PNLIPRP3: variants seen among roughly 807,000 people sequenced by gnomAD.
The protein encoded by PNLIPRP3 is pancreatic lipase-related protein 3.
A neutral mutation model predicts 52.8 loss-of-function variants in PNLIPRP3; 58 were observed. The observed-to-expected ratio is 1.10, with a 90% CI of 0.89 to 1.37. PNLIPRP3 has a LOEUF of 1.37. Ranked by LOEUF, PNLIPRP3 falls within the 40% of genes most tolerant of loss-of-function variation. The probability of loss-of-function intolerance (pLI) is 0.00; values close to 1 mark genes in which losing one functional copy is unlikely to be tolerated. For missense variants in PNLIPRP3, 593 were observed against 561.6 expected, an observed-to-expected ratio of 1.06 and a Z score of -0.57; for synonymous variants, 192 against 185.0, an observed-to-expected ratio of 1.04 and a Z score of -0.31.
Position 116,461,353 on chromosome 10 carries a change from G to A in PNLIPRP3, c.808+63G>A, listed in dbSNP as rs1846190206. On this transcript the variant is annotated intron_variant, in intron 7 of 11. Transcript: ENST00000369230. ...ATTCACTTAGCTCTCTCCTTAGATG[G>A]GATCCACCTACTTTTGTGTATAATA... 1.3e-5 allele frequency: 20 copies of A among 1,543,384 alleles called. 1 individual carries two copies. In the South Asian group the frequency reaches 1.6e-4, roughly 12 times the overall value.
intron 5 of PNLIPRP3, among the ~76,000 whole-genome samples, chr10:116,456,306 T>C (rs567141898): frequency 8.9e-4 from 135 of 152,294 alleles, no homozygotes; most frequent in African/African-American, 3.1e-3. Flanking sequence ...ATTTATTACA[T>C]GTTTCAAAAT....
At chr10:116,460,108 A>G (rs1846170726) in intron 5 of PNLIPRP3, among the ~76,000 whole-genome samples, 2 of 152,100 alleles carry the variant, frequency 1.3e-5, no homozygotes, top group South Asian at 2.1e-4. Context: ...GTTCCGCAAG[A>G]CTGGGTTATA....
In PNLIPRP3 at chr10:116,454,640, A is replaced by C. The variant is rs527338640; in HGVS notation, c.457-1082A>C. 2.6e-5 allele frequency among the ~76,000 whole-genome samples: 4 copies of C among 152,306 alleles called. No homozygotes were observed. In the South Asian group the frequency reaches 8.3e-4, roughly 32 times the overall value. ...TCTACTTACGTAGTTTGACTTTTTAAAATTCCACATATTAAGTGAGGTCAT... is the reference window on the plus strand; with the variant it reads ...TCTACTTACGTAGTTTGACTTTTTACAATTCCACATATTAAGTGAGGTCAT... On this transcript the variant is annotated intron_variant, in intron 4 of 11. Coordinates refer to ENST00000369230, the MANE Select transcript of PNLIPRP3 (RefSeq NM_001011709.3).
At chr10:116,464,635 T>C (rs1204709297) in intron 7 of PNLIPRP3, among the ~76,000 whole-genome samples, 1 of 152,176 alleles carries the variant, frequency 6.6e-6, no homozygotes, top group Non-Finnish European at 1.5e-5. Context: ...GGGCACCAGC[T>C]TCTGAACGAG....
At position 116,440,149 on chromosome 10, in the gene PNLIPRP3, A is replaced by C. The variant is rs541466137; in HGVS notation, c.205-2906A>C. 1.8e-5 allele frequency: 11 copies of C among 602,224 alleles called. No homozygotes were observed. In the South Asian group the frequency reaches 2.2e-4, roughly 12 times the overall value. 37.3% of individuals were successfully genotyped at this position (602,224 alleles called of 1,614,324 possible). On this transcript the variant is annotated intron_variant, in intron 2 of 11. Transcript: ENST00000369230. ...ACCTTCTCTGCCTTTTAGGATGTTC[A>C]GGGCATATTTATCCACTTAGGACTA...
chr10:116,461,972 T>A (rs943337721), intron 7 of PNLIPRP3, among the ~76,000 whole-genome samples: 12 of 152,004 alleles, frequency 7.9e-5, no homozygotes, highest in African/African-American at 2.7e-4. Context: ...AAGTAGGGCA[T>A]AAGGTTGGAG....
chr10:116,440,067 T>G (rs1279763768), intron 2 of PNLIPRP3: 11 of 706,264 alleles, frequency 1.6e-5, no homozygotes, highest in Non-Finnish European at 2.5e-5. Flanking sequence ...TGTTCGCTAG[T>G]AGATCAACTT....
chr10:116,444,171 T>A (rs1030994685), intron 3 of PNLIPRP3, among the ~76,000 whole-genome samples: 3 of 152,032 alleles, frequency 2.0e-5, no homozygotes, highest in African/African-American at 7.2e-5. Context: ...ACCACCCCCA[T>A]GAATCAATTA....
intron 4 of PNLIPRP3, among the ~76,000 whole-genome samples, chr10:116,451,577 G>C (rs969148849): frequency 1.3e-5 from 2 of 152,160 alleles, no homozygotes; most frequent in African/African-American, 4.8e-5. Flanking sequence ...TGATGAGTGA[G>C]TTCTTGCTCA....
intron 2 of PNLIPRP3, among the ~76,000 whole-genome samples, chr10:116,437,826 C>T (rs75097968): frequency 0.071 from 10,808 of 152,144 alleles, 535 homozygotes; most frequent in East Asian, 0.17. Context: ...AGCCACATTT[C>T]AAGTGCTCAA....
At position 116,436,840 on chromosome 10, in the gene PNLIPRP3, C is replaced by G; in HGVS notation, c.179C>G (p.Thr60Ser). The G allele has an allele frequency of 6.2e-7, 1 of 1,608,970 alleles. No individual in the cohort carries two copies. Among genetic ancestry groups the G allele is most frequent in the Non-Finnish European group, 8.5e-7 (1 of 1,177,066 alleles). Residue 60 changes from threonine to serine, a missense_variant, in exon 2 of 12, where the codon ACT (threonine) becomes AGT (serine). By Grantham distance (58) the Thr-to-Ser change is moderately conservative. Transcript: ENST00000369230. ...ATAAACACTCGTTTCCTGCTCTACA[C>G]TATACACAATCCCAATGCCTATCAG... ...EKINTRFLLY[T>S]IHNPNAYQEI...
In PNLIPRP3 at chr10:116,476,830, CT is replaced by C; in HGVS notation, c.1340+16del. ...GAAATATGGATATAAGTAAGTATTG[CT>C]TTTTCCTTTTCATTTTCGTAGTTTA... On this transcript the variant is annotated intron_variant, in intron 11 of 11. Transcript: ENST00000369230. 2 of 1,559,452 alleles carry C rather than the reference CT, an allele frequency of 1.3e-6. No homozygotes were observed. The highest frequency in any genetic ancestry group is 1.8e-4 in the Middle Eastern group (1 of 5,420).
At chr10:116,458,334 A>T (rs1201332021) in intron 5 of PNLIPRP3, among the ~76,000 whole-genome samples, 1 of 152,186 alleles carries the variant, frequency 6.6e-6, no homozygotes, top group Non-Finnish European at 1.5e-5. Context: ...TGTCTCCCTA[A>T]GGTTAATTAA....
At chr10:116,428,553 A>AT (rs376232752) in intron 1 of PNLIPRP3, among the ~76,000 whole-genome samples, 8 of 151,828 alleles carry the variant, frequency 5.3e-5, no homozygotes, top group Non-Finnish European at 7.4e-5. Flanking sequence ...TGGAATGTCC[A>AT]TTTTTTTTCC....
intron 7 of PNLIPRP3, 113 bp downstream of exon 7, chr10:116,461,403 A>C: frequency 7.7e-7 from 1 of 1,295,022 alleles, no homozygotes; most frequent in African/African-American, 1.5e-5. Flanking sequence ...ATTTTCTCTC[A>C]AAACACAGTT....
At chr10:116,441,601 T>G (rs1845859289) in intron 2 of PNLIPRP3, among the ~76,000 whole-genome samples, 1 of 152,188 alleles carries the variant, frequency 6.6e-6, no homozygotes, top group Admixed American at 6.5e-5. Context: ...TGAAGATGAT[T>G]GATTTTATTG....
intron 1 of PNLIPRP3, among the ~76,000 whole-genome samples, chr10:116,430,353 T>C (rs1036600555): frequency 2.0e-4 from 31 of 152,130 alleles, no homozygotes; most frequent in African/African-American, 7.2e-4. Flanking sequence ...TCTGGGAAAA[T>C]GAAGGGCCTA....
At chr10:116,451,405 G>T (rs1393393444) in intron 4 of PNLIPRP3, among the ~76,000 whole-genome samples, 2 of 152,164 alleles carry the variant, frequency 1.3e-5, no homozygotes, top group African/African-American at 4.8e-5. Context: ...AAAATCACAG[G>T]CAGCAAAAGC....
chr10:116,462,708 T>C, intron 7 of PNLIPRP3, among the ~76,000 whole-genome samples: 1 of 152,178 alleles, frequency 6.6e-6, no homozygotes, highest in East Asian at 1.9e-4. Flanking sequence ...CCCATTATTT[T>C]CTATATTACG....
Sources: gnomAD v4.1 joint callset for allele counts (sites outside exome capture counted in the v4.1 genomes callset) on GRCh38, gnomAD v4.1.1 for gene constraint, MANE v1.5 for transcripts, NCBI Gene and HGNC (gene_info 2026-07-23, HGNC 2026-07-21) for gene names.